DLG1: variants seen among roughly 807,000 people sequenced by gnomAD.
DLG1 encodes the protein disks large homolog 1.
DLG1 carries 42 observed loss-of-function variants against 123.4 expected under a neutral mutation model. That is an observed-to-expected ratio of 0.34 (90% CI 0.27 to 0.44). The LOEUF (loss-of-function observed/expected upper bound fraction) is 0.44, where lower values mean the gene tolerates loss of function less well. DLG1 is among the 20% of genes least tolerant of loss of function. The pLI is 1.00. For missense variants in DLG1, 942 were observed against 1,082.6 expected, an observed-to-expected ratio of 0.87 and a Z score of 1.82; for synonymous variants, 317 against 356.2, an observed-to-expected ratio of 0.89 and a Z score of 1.24.
intron 11 of DLG1, among the ~76,000 whole-genome samples, chr3:197,120,527 TAA>T (rs1449923665): frequency 6.6e-6 from 1 of 152,204 alleles, no homozygotes; most frequent in Admixed American, 6.5e-5. Context: ...TCAACTATGA[TAA>T]AGTTACAAAG....
At chr3:197,165,524 T>G (rs374068069) in intron 5 of DLG1, among the ~76,000 whole-genome samples, 20 of 152,300 alleles carry the variant, frequency 1.3e-4, no homozygotes, top group African/African-American at 4.6e-4. Flanking sequence ...TGATGTAAAC[T>G]TTAACACAAT....
intron 13 of DLG1, among the ~76,000 whole-genome samples, chr3:197,114,937 GC>G (rs1455302039): frequency 7.0e-6 from 1 of 142,362 alleles, no homozygotes; most frequent in East Asian, 2.1e-4. Flanking sequence ...CCAAGATCGC[GC>G]CACTGCACTC....
intron 15 of DLG1, among the ~76,000 whole-genome samples, chr3:197,086,821 G>A (rs1578864190): frequency 6.6e-6 from 1 of 152,232 alleles, no homozygotes; most frequent in South Asian, 2.1e-4. Context: ...AGTACCTTAA[G>A]AGGTAGTACA....
At chr3:197,180,287 C>T (rs1359148889) in intron 5 of DLG1, among the ~76,000 whole-genome samples, 2 of 152,130 alleles carry the variant, frequency 1.3e-5, no homozygotes, top group Non-Finnish European at 2.9e-5. Context: ...TCTAGCAGCA[C>T]TGTGCTGGAG....
At chr3:197,270,953 T>TA (rs1763672010) in intron 4 of DLG1, among the ~76,000 whole-genome samples, 1 of 152,190 alleles carries the variant, frequency 6.6e-6, no homozygotes, top group Non-Finnish European at 1.5e-5. Context: ...GAATGTGTGA[T>TA]AGTCTATAAA....
intron 6 of DLG1, among the ~76,000 whole-genome samples, chr3:197,145,982 A>G (rs1790572455): frequency 6.6e-6 from 1 of 151,996 alleles, no homozygotes; most frequent in African/African-American, 2.4e-5. Context: ...AAACAGAGTG[A>G]GACACTGTCT....
intron 4 of DLG1, among the ~76,000 whole-genome samples, chr3:197,205,550 A>C (rs911686840): frequency 6.6e-6 from 1 of 152,190 alleles, no homozygotes; most frequent in Non-Finnish European, 1.5e-5. Context: ...ATGAATACCA[A>C]ATACTCAACA....
At chr3:197,167,435 A>T (rs1261437752) in intron 5 of DLG1, among the ~76,000 whole-genome samples, 2 of 152,236 alleles carry the variant, frequency 1.3e-5, no homozygotes, top group Non-Finnish European at 1.5e-5. Flanking sequence ...ACAATATCTG[A>T]ATCAAGTGAT....
chr3:197,179,360 G>C (rs1182535942), intron 5 of DLG1, among the ~76,000 whole-genome samples: 1 of 152,054 alleles, frequency 6.6e-6, no homozygotes, highest in African/African-American at 2.4e-5. Flanking sequence ...GGGAGGAAAG[G>C]TCAAAAAACT....
intron 4 of DLG1, among the ~76,000 whole-genome samples, chr3:197,245,031 G>A (rs967758072): frequency 6.6e-5 from 10 of 152,056 alleles, no homozygotes; most frequent in African/African-American, 2.2e-4. Context: ...GGGACAGTTC[G>A]GACCTTTAAT....
At chr3:197,240,292 C>T (rs548702316) in intron 4 of DLG1, among the ~76,000 whole-genome samples, 1 of 152,316 alleles carries the variant, frequency 6.6e-6, no homozygotes, top group Admixed American at 6.5e-5. Context: ...TGGGACATCC[C>T]CTTTGGAATC....
chr3:197,183,884 A>G, intron 5 of DLG1: 1 of 1,488,494 alleles, frequency 6.7e-7, no homozygotes. Context: ...ATCGGTAAAA[A>G]CTGCAGCTAC....
At chr3:197,155,992 A>G (rs982620030) in intron 5 of DLG1, among the ~76,000 whole-genome samples, 3 of 152,328 alleles carry the variant, frequency 2.0e-5, no homozygotes, top group African/African-American at 7.2e-5. Context: ...AACAAAGTCA[A>G]TATTGGTAAA....
intron 7 of DLG1, among the ~76,000 whole-genome samples, chr3:197,141,647 C>T (rs1788063675): frequency 6.6e-6 from 1 of 152,136 alleles, no homozygotes; most frequent in Non-Finnish European, 1.5e-5. Flanking sequence ...TTGTGTGAAA[C>T]ACTAGATTTC....
At chr3:197,190,397 T>C (rs192918836) in intron 5 of DLG1, among the ~76,000 whole-genome samples, 2 of 152,272 alleles carry the variant, frequency 1.3e-5, no homozygotes, top group Admixed American at 1.3e-4. Flanking sequence ...AAGTCAGCTA[T>C]GCACTTACAG....
intron 5 of DLG1, among the ~76,000 whole-genome samples, chr3:197,157,326 A>G (rs1445644495): frequency 1.3e-5 from 2 of 152,258 alleles, no homozygotes; most frequent in African/African-American, 4.8e-5. Context: ...CCAATTAAGC[A>G]AAGTAGCAGG....
chr3:197,115,785 A>C, intron 13 of DLG1, 142 bp downstream of exon 13: 1 of 795,524 alleles, frequency 1.3e-6, no homozygotes, highest in Non-Finnish European at 2.0e-6. Flanking sequence ...CTGACACTAC[A>C]ATTCTACAAT....
chr3:197,091,013 A>G lies in DLG1; in HGVS notation c.1560T>C (p.Phe520=), dbSNP rs1560593817. ...CCCGTAAATCATGTATTTTAGCTTCAAAACGACTGTATTCTGATGGAAGAA... is the reference window on the plus strand; with the variant it reads ...CCCGTAAATCATGTATTTTAGCTTCGAAACGACTGTATTCTGATGGAAGAA... ...AQYRPEEYSR[F]EAKIHDLREQ... is the part of the protein sequence containing the mutation. The change falls in exon 15 of 25, where the codon TTT becomes TTC. Residue 520 remains phenylalanine, a synonymous_variant. Transcript: ENST00000667157. The G allele has an allele frequency of 1.9e-6, 3 of 1,604,364 alleles. No individual in the cohort carries two copies. Among genetic ancestry groups the G allele is most frequent in the Non-Finnish European group, 2.6e-6 (3 of 1,171,614 alleles).
At chr3:197,047,748 C>A (rs1724368875) in intron 24 of DLG1, among the ~76,000 whole-genome samples, 1 of 151,956 alleles carries the variant, frequency 6.6e-6, no homozygotes, top group Non-Finnish European at 1.5e-5. Context: ...CGAAACTAAA[C>A]CCTTATCTTA....
Sources: allele counts gnomAD v4.1 joint callset (sites outside exome capture counted in the v4.1 genomes callset), GRCh38; gene constraint gnomAD v4.1.1; transcripts MANE v1.5; gene names NCBI Gene and HGNC (gene_info 2026-07-23, HGNC 2026-07-21).